The following HSD17B2 variants were observed in gnomAD, a reference collection of about 807,000 sequenced individuals.
The protein encoded by HSD17B2 is hydroxysteroid 17-beta dehydrogenase 2, also known as 17-beta-hydroxysteroid dehydrogenase type 2.
A neutral mutation model predicts 26.9 loss-of-function variants in HSD17B2; 32 were observed. The observed-to-expected ratio is 1.19, with a 90% confidence interval of 0.90 to 1.60. HSD17B2 has a LOEUF of 1.60. HSD17B2 is among the 40% of genes most tolerant of loss of function. HSD17B2 has a pLI of 0.00. For missense variants in HSD17B2, 613 were observed against 468.6 expected (o/e 1.31, Z -2.85); for synonymous variants, 246 against 186.7 (o/e 1.32, Z -2.59).
chr16:82,050,225 G>A (rs1193352388), intron 1 of HSD17B2, among the ~76,000 whole-genome samples: 2 of 152,082 alleles, frequency 1.3e-5, no homozygotes, highest in Non-Finnish European at 2.9e-5. Context: ...TTCCCTACCT[G>A]GCCCTTGCTC....
intron 1 of HSD17B2, among the ~76,000 whole-genome samples, chr16:82,045,428 G>T (rs1188264202): frequency 6.6e-6 from 1 of 152,190 alleles, no homozygotes; most frequent in Non-Finnish European, 1.5e-5. Flanking sequence ...GTGGAATCAT[G>T]ATTGATATCT....
chr16:82,097,901 G>A (rs1904899271), intron 4 of HSD17B2, 174 bp from the exon 5 acceptor site: 2 of 522,706 alleles, frequency 3.8e-6, no homozygotes, highest in African/African-American at 2.0e-5. Flanking sequence ...TCACACCACT[G>A]CACTTAAGCC....
chr16:82,036,073 C>G (rs571887573), intron 1 of HSD17B2, among the ~76,000 whole-genome samples: 2 of 152,250 alleles, frequency 1.3e-5, no homozygotes, highest in Non-Finnish European at 2.9e-5. Context: ...TCCACCTGGA[C>G]TCTTCTTCCC....
intron 3 of HSD17B2, among the ~76,000 whole-genome samples, chr16:82,089,053 C>A (rs1008002393): frequency 6.6e-6 from 1 of 152,114 alleles, no homozygotes; most frequent in Non-Finnish European, 1.5e-5. Flanking sequence ...TTCCAAAGGC[C>A]CCATCTCCAA....
chr16:82,070,559 G>A (rs1023538644), intron 2 of HSD17B2, among the ~76,000 whole-genome samples: 4 of 152,224 alleles, frequency 2.6e-5, no homozygotes, highest in African/African-American at 9.6e-5. Context: ...CCGTGATGGG[G>A]AATTTATCAG....
At chr16:82,070,724 A>G in intron 2 of HSD17B2, 1 of 569,232 alleles carries the variant, frequency 1.8e-6, no homozygotes, top group Non-Finnish European at 3.1e-6. Context: ...AGAATATTCT[A>G]CTTTACATCT....
chr16:82,056,214 T>C (rs1027864739), intron 1 of HSD17B2, among the ~76,000 whole-genome samples: 2 of 152,198 alleles, frequency 1.3e-5, no homozygotes, highest in African/African-American at 4.8e-5. Flanking sequence ...CCTACTTAGA[T>C]AAAACCTTAG....
intron 3 of HSD17B2, among the ~76,000 whole-genome samples, chr16:82,083,166 T>C (rs11645641): frequency 0.3 from 45,965 of 152,052 alleles, 7,484 homozygotes; most frequent in Non-Finnish European, 0.36. Context: ...AATACACTCC[T>C]ACGGGTGGGA....
At chr16:82,083,609 C>T (rs574992323) in intron 3 of HSD17B2, among the ~76,000 whole-genome samples, 40 of 152,256 alleles carry the variant, frequency 2.6e-4, no homozygotes, top group African/African-American at 9.6e-4. Flanking sequence ...ACCCAAAAAC[C>T]ATCCCACCAT....
rs111361630 is a variant in HSD17B2 at position 82,088,828 on chromosome 16, G to C, written c.665-2074G>C. On this transcript the variant is annotated intron_variant, in intron 3 of 4. Coordinates refer to ENST00000199936, the MANE Select transcript of HSD17B2 (RefSeq NM_002153.3). ...TTAAAATTATATCAGTTAAGCCTTG[G>C]GACCTTTTGTGTTTAAGTGACAGGG... Among the ~76,000 whole-genome samples, 656 of 152,208 alleles carry C rather than the reference G, an allele frequency of 4.3e-3. 5 individuals carry two copies. The highest frequency in any genetic ancestry group is 0.015 in the African/African-American group (622 of 41,520).
At chr16:82,097,854 C>G (rs569035855) in intron 4 of HSD17B2, 2 of 352,250 alleles carry the variant, frequency 5.7e-6, no homozygotes, top group East Asian at 9.2e-5. Context: ...AAGAGAATCA[C>G]TTCAACTCTG....
chr16:82,035,281 C>A lies in HSD17B2; in HGVS notation c.-144C>A. 1.5e-6 allele frequency: 1 copy of A among 666,752 alleles called. No homozygotes were observed. Among genetic ancestry groups the A allele is most frequent in the Non-Finnish European group, 2.5e-6 (1 of 393,306 alleles). The allele number at this position is 666,752 out of a possible 1,614,324, so 41.3% of individuals were successfully genotyped here. On this transcript the variant is annotated 5_prime_UTR_variant, in exon 1 of 5. Coordinates refer to ENST00000199936, the MANE Select transcript of HSD17B2 (RefSeq NM_002153.3). ...CACTGGGAATATGATTATGCTTAAT[C>A]TATGCTCAGTTGAAAGGGGCTGGGG...
intron 1 of HSD17B2, among the ~76,000 whole-genome samples, chr16:82,054,635 G>T (rs778920492): frequency 6.6e-6 from 1 of 152,118 alleles, no homozygotes; most frequent in African/African-American, 2.4e-5. Context: ...GTGAGCCACC[G>T]GGCTCAGCCC....
At chr16:82,094,596 G>A (rs1348539416) in intron 4 of HSD17B2, 1 of 152,186 alleles carries the variant, frequency 6.6e-6, no homozygotes, top group Non-Finnish European at 1.5e-5. Flanking sequence ...CTCTCTCAAG[G>A]CAAGAAGCCC....
At chr16:82,066,609 A>G (rs1914578412) in intron 1 of HSD17B2, among the ~76,000 whole-genome samples, 1 of 152,228 alleles carries the variant, frequency 6.6e-6, no homozygotes, top group South Asian at 2.1e-4. Flanking sequence ...CTGTCCTCCT[A>G]AGGAAAACTT....
intron 3 of HSD17B2, among the ~76,000 whole-genome samples, chr16:82,087,723 G>A (rs1456336235): frequency 6.6e-6 from 1 of 152,104 alleles, no homozygotes; most frequent in African/African-American, 2.4e-5. Flanking sequence ...AACAGAAATT[G>A]ATTGGCTCTT....
At chr16:82,084,654 C>G (rs1297923931) in intron 3 of HSD17B2, among the ~76,000 whole-genome samples, 1 of 152,052 alleles carries the variant, frequency 6.6e-6, no homozygotes, top group Non-Finnish European at 1.5e-5. Flanking sequence ...GGCCCAAAAC[C>G]TTTCTCGGGC....
rs1304457274 is a variant in HSD17B2, at chr16:82,098,481, T to G, written c.*45T>G. On this transcript the variant is annotated 3_prime_UTR_variant, in exon 5 of 5. Transcript: ENST00000199936. ...AAGTCGGAATGTCATAGTCTTGAAA[T>G]GAAAGGGAAACTGGGAAACTGGGTT... The G allele has an allele frequency of 1.3e-6, 2 of 1,530,136 alleles. No individual in the cohort carries two copies. The highest frequency in any genetic ancestry group is 4.4e-5 in the Admixed American group (2 of 45,362). 94.8% of individuals were successfully genotyped at this position (1,530,136 alleles called of 1,614,324 possible).
At chr16:82,089,918 C>T (rs911986363) in intron 3 of HSD17B2, among the ~76,000 whole-genome samples, 2 of 152,142 alleles carry the variant, frequency 1.3e-5, no homozygotes, top group African/African-American at 4.8e-5. Flanking sequence ...TGGATCACTC[C>T]CTTTCTTGGC....
Sources: gnomAD v4.1 joint callset for allele counts (sites outside exome capture counted in the v4.1 genomes callset) on GRCh38, gnomAD v4.1.1 for gene constraint, MANE v1.5 for transcripts, NCBI Gene and HGNC (gene_info 2026-07-23, HGNC 2026-07-21) for gene names.